Variants in KCNH5 observed in about 807,000 individuals in gnomAD.
KCNH5 encodes voltage-gated delayed rectifier potassium channel KCNH5.
KCNH5 carries 46 observed loss-of-function variants against 96.1 expected under a neutral mutation model. That is an observed-to-expected ratio of 0.48 (90% confidence interval 0.38 to 0.61). The LOEUF (loss-of-function observed/expected upper bound fraction) is 0.61. Among genes scored for constraint, KCNH5 ranks in the 20% least tolerant of loss-of-function variants. KCNH5 has a pLI of 0.00. For missense variants in KCNH5, 907 were observed against 1,225.8 expected (o/e 0.74, Z 3.88); for synonymous variants, 439 against 449.8 (o/e 0.98, Z 0.30).
intron 9 of KCNH5, among the ~76,000 whole-genome samples, chr14:62,785,242 G>A (rs1369963613): frequency 1.3e-5 from 2 of 152,140 alleles, no homozygotes; most frequent in East Asian, 3.9e-4. Context: ...AAGTAAAGTT[G>A]GTTAATGTCT....
intron 10 of KCNH5, chr14:62,712,506 C>T: frequency 4.8e-6 from 3 of 629,598 alleles, no homozygotes; most frequent in Non-Finnish European, 8.7e-6. Context: ...TCCCTTAGGT[C>T]ACACAACTGT....
At chr14:62,870,546 TAA>T (rs1254389660) in intron 7 of KCNH5, among the ~76,000 whole-genome samples, 1 of 152,164 alleles carries the variant, frequency 6.6e-6, no homozygotes, top group Non-Finnish European at 1.5e-5. Context: ...TTTTTTAACT[TAA>T]AAAAGTCTAA....
chr14:62,802,302 C>T (rs371368937), intron 9 of KCNH5, 27 bp downstream of exon 9: 2 of 1,601,166 alleles, frequency 1.2e-6, no homozygotes, highest in African/African-American at 2.7e-5. Flanking sequence ...TACGCATTTG[C>T]TACTACATTA....
chr14:62,804,884 T>G (rs937438457), intron 8 of KCNH5, among the ~76,000 whole-genome samples: 1 of 152,210 alleles, frequency 6.6e-6, no homozygotes. Flanking sequence ...AGTTTATTGT[T>G]GCTTAAACTC....
chr14:62,933,641 C>A (rs1889622974), intron 7 of KCNH5, among the ~76,000 whole-genome samples: 1 of 151,726 alleles, frequency 6.6e-6, no homozygotes, highest in South Asian at 2.1e-4. Context: ...TAAATGCCAC[C>A]AAAAAAATGA....
At chr14:62,856,091 T>C (rs1157025926) in intron 7 of KCNH5, among the ~76,000 whole-genome samples, 1 of 152,194 alleles carries the variant, frequency 6.6e-6, no homozygotes, top group Non-Finnish European at 1.5e-5. Flanking sequence ...ATAAACAATA[T>C]AGTTTATTTC....
chr14:63,036,554 T>C (rs757691319), intron 1 of KCNH5, among the ~76,000 whole-genome samples: 5 of 151,572 alleles, frequency 3.3e-5, no homozygotes, highest in Non-Finnish European at 7.4e-5. Flanking sequence ...CTATTCTGCC[T>C]ACACTGAGTT....
In KCNH5 at chr14:62,708,361, G is replaced by A; in HGVS notation, c.2114C>T (p.Pro705Leu). 1 of 1,613,962 alleles carries A rather than the reference G, an allele frequency of 6.2e-7. No homozygotes were observed. The highest frequency in any genetic ancestry group is 8.5e-7 in the Non-Finnish European group (1 of 1,180,014). The change falls in exon 11 of 11, where the codon CCA becomes CTA. Residue 705 changes from proline to leucine, a missense_variant. Pro to Leu is a moderately conservative substitution (Grantham distance 98). Coordinates refer to ENST00000322893, the MANE Select transcript of KCNH5 (RefSeq NM_139318.5). ...GAACTTCTGGAAGAGCTTTCTGACT[G>A]GGTGGTCCACGGGAATGCTGAGGGT... Reference protein sequence around the residue: ...EVTLSIPVDHPVRKLFQKFKQ... With the variant: ...EVTLSIPVDHLVRKLFQKFKQ...
chr14:62,925,808 C>T (rs1243446667), intron 7 of KCNH5, among the ~76,000 whole-genome samples: 1 of 151,924 alleles, frequency 6.6e-6, no homozygotes, highest in Non-Finnish European at 1.5e-5. Flanking sequence ...TTTCCACAGA[C>T]TATAAATAAT....
At chr14:62,816,484 C>G (rs567566944) in intron 8 of KCNH5, among the ~76,000 whole-genome samples, 7 of 151,996 alleles carry the variant, frequency 4.6e-5, no homozygotes, top group South Asian at 2.1e-4. Flanking sequence ...TTTAGTAAAG[C>G]CTGTTACATT....
chr14:62,752,702 T>C (rs746730964), intron 10 of KCNH5, among the ~76,000 whole-genome samples: 3 of 152,000 alleles, frequency 2.0e-5, no homozygotes, highest in Non-Finnish European at 4.4e-5. Context: ...TGGGAGGTGA[T>C]TGGATTATGG....
At chr14:62,741,554 C>A (rs1885271556) in intron 10 of KCNH5, among the ~76,000 whole-genome samples, 1 of 152,024 alleles carries the variant, frequency 6.6e-6, no homozygotes, top group Non-Finnish European at 1.5e-5. Flanking sequence ...CTCCCCCAAC[C>A]CAATGATAAC....
intron 10 of KCNH5, among the ~76,000 whole-genome samples, chr14:62,776,050 C>T (rs1403480280): frequency 6.6e-6 from 1 of 151,920 alleles, no homozygotes; most frequent in African/African-American, 2.4e-5. Context: ...GGGTAGATCA[C>T]GAGGTCACGA....
intron 10 of KCNH5, among the ~76,000 whole-genome samples, chr14:62,755,313 C>T (rs1906985): frequency 0.45 from 68,861 of 151,848 alleles, 17,218 homozygotes; most frequent in South Asian, 0.77. Context: ...CAACTACATA[C>T]CAATAGATTG....
chr14:62,940,507 C>T (rs1889767073), intron 7 of KCNH5, among the ~76,000 whole-genome samples: 1 of 152,152 alleles, frequency 6.6e-6, no homozygotes, highest in South Asian at 2.1e-4. Context: ...ATCCCACAAC[C>T]TTTAGGATAA....
chr14:62,810,867 G>A (rs773142338), intron 8 of KCNH5, among the ~76,000 whole-genome samples: 1 of 151,802 alleles, frequency 6.6e-6, no homozygotes, highest in East Asian at 1.9e-4. Flanking sequence ...ATGTGGACTC[G>A]CCCTGAATTC....
At chr14:63,019,852 C>G (rs986832267) in intron 1 of KCNH5, among the ~76,000 whole-genome samples, 4 of 151,984 alleles carry the variant, frequency 2.6e-5, no homozygotes, top group Non-Finnish European at 5.9e-5. Flanking sequence ...AAATTACTGT[C>G]AACTACTCAT....
intron 8 of KCNH5, among the ~76,000 whole-genome samples, chr14:62,806,476 T>C (rs1021460857): frequency 3.9e-5 from 6 of 151,974 alleles, no homozygotes; most frequent in Admixed American, 6.6e-5. Context: ...AACAGCTACC[T>C]TTGGGTAAGT....
chr14:62,927,548 C>T (rs543110692), intron 7 of KCNH5, among the ~76,000 whole-genome samples: 50 of 152,214 alleles, frequency 3.3e-4, no homozygotes, highest in African/African-American at 1.2e-3. Flanking sequence ...GAATATTGTT[C>T]ACCCTTACAA....
Sources: gnomAD v4.1 joint callset for allele counts (sites outside exome capture counted in the v4.1 genomes callset) on GRCh38, gnomAD v4.1.1 for gene constraint, MANE v1.5 for transcripts, NCBI Gene and HGNC (gene_info 2026-07-23, HGNC 2026-07-21) for gene names.